The following ZNF423 variants were observed in gnomAD, a reference collection of about 807,000 sequenced individuals.
ZNF423 encodes the protein Ebf-associated zinc finger protein.
ZNF423 carries 12 observed loss-of-function variants against 95.8 expected under a neutral mutation model. The observed-to-expected ratio is 0.13, with a 90% CI of 0.08 to 0.20. The LOEUF is 0.20. ZNF423 is among the 10% of genes least tolerant of loss of function. The pLI, the probability that ZNF423 is intolerant of heterozygous loss-of-function variation, is 1.00. For missense variants in ZNF423, 1,316 were observed against 1,737.1 expected (o/e 0.76, Z 4.31); for synonymous variants, 749 against 711.9 (o/e 1.05, Z -0.83).
At chr16:49,616,333 CAGGG>C (rs1971874549) in intron 5 of ZNF423, among the ~76,000 whole-genome samples, 4 of 151,576 alleles carry the variant, frequency 2.6e-5, no homozygotes, top group African/African-American at 9.7e-5. Context: ...GGAAGGGTAG[CAGGG>C]AGGGAGGGGA....
chr16:49,595,073 C>T (rs1971139167), intron 5 of ZNF423, among the ~76,000 whole-genome samples: 1 of 152,166 alleles, frequency 6.6e-6, no homozygotes, highest in African/African-American at 2.4e-5. Context: ...CCTGAACACC[C>T]GGGTGACCCC....
At chr16:49,816,705 G>T (rs1378444854) in intron 1 of ZNF423, among the ~76,000 whole-genome samples, 1 of 152,090 alleles carries the variant, frequency 6.6e-6, no homozygotes, top group Non-Finnish European at 1.5e-5. Context: ...GATTGCTTGA[G>T]CCTGGGAGGT....
chr16:49,679,274 C>A (rs575115769), intron 3 of ZNF423, among the ~76,000 whole-genome samples: 1 of 152,214 alleles, frequency 6.6e-6, no homozygotes, highest in Non-Finnish European at 1.5e-5. Context: ...CTGCGCCCTC[C>A]GTGGAGCTGG....
At chr16:49,548,660 G>A (rs1000312587) in intron 5 of ZNF423, among the ~76,000 whole-genome samples, 11 of 152,206 alleles carry the variant, frequency 7.2e-5, no homozygotes, top group African/African-American at 2.2e-4. Context: ...CAGAGAGAAG[G>A]GAGAGAAGGA....
intron 5 of ZNF423, among the ~76,000 whole-genome samples, chr16:49,554,246 C>G (rs1208870463): frequency 6.6e-6 from 1 of 152,138 alleles, no homozygotes; most frequent in Non-Finnish European, 1.5e-5. Context: ...CCTCCCTTCC[C>G]CAATCCTAGA....
At chr16:49,707,170 G>A (rs898901004) in intron 3 of ZNF423, among the ~76,000 whole-genome samples, 1 of 152,060 alleles carries the variant, frequency 6.6e-6, no homozygotes, top group African/African-American at 2.4e-5. Flanking sequence ...GTCCCTGCCG[G>A]TACCCCGACG....
Position 49,514,918 on chromosome 16 carries a change from A to G in ZNF423, c.3849+8706T>C, listed in dbSNP as rs564250378. Among the ~76,000 whole-genome samples, 4 of 152,342 alleles carry G rather than the reference A, an allele frequency of 2.6e-5. No individual in the cohort carries two copies. In the South Asian group the frequency reaches 8.3e-4, roughly 32 times the overall value. ...ACATACACGCGCTGTGAACTCTGAC[A>G]TGCCCTGGCAGGCAGTGCCCCACAG... On this transcript the variant is annotated intron_variant, in intron 7 of 7. Transcript: ENST00000563137.
At chr16:49,857,847 T>TC (rs1441853735), upstream of ZNF423, 1 of 152,088 alleles carries the variant, frequency 6.6e-6, no homozygotes, top group Non-Finnish European at 1.5e-5. The surrounding 1 kb of genome is among the most constrained non-coding windows in gnomAD (Gnocchi z 6.2). Flanking sequence ...GCGCCGCGCG[T>TC]CCCCCGCAGC....
chr16:49,846,157 C>G (rs1365532525), intron 1 of ZNF423, among the ~76,000 whole-genome samples: 2 of 152,058 alleles, frequency 1.3e-5, no homozygotes, highest in East Asian at 3.9e-4. Flanking sequence ...CAAAAATTAG[C>G]CAGGCCTGGT....
intron 4 of ZNF423, among the ~76,000 whole-genome samples, chr16:49,627,142 C>T (rs1348902138): frequency 6.7e-6 from 1 of 150,120 alleles, no homozygotes; most frequent in Admixed American, 6.6e-5. Context: ...ACATACACAC[C>T]CACCTATCCA....
chr16:49,834,701 T>G (rs1164410906), intron 1 of ZNF423, among the ~76,000 whole-genome samples: 1 of 151,948 alleles, frequency 6.6e-6, no homozygotes, highest in Admixed American at 6.5e-5. Context: ...GGGGGCAGGG[T>G]GGCTGCCACT....
At chr16:49,714,652 G>A (rs1567306804) in intron 3 of ZNF423, among the ~76,000 whole-genome samples, 1 of 151,092 alleles carries the variant, frequency 6.6e-6, no homozygotes, top group Non-Finnish European at 1.5e-5. Flanking sequence ...GATGAGGCCG[G>A]GTGCAATGGC....
At chr16:49,832,302 C>T (rs895761639) in intron 1 of ZNF423, among the ~76,000 whole-genome samples, 5 of 152,202 alleles carry the variant, frequency 3.3e-5, no homozygotes, top group Admixed American at 6.5e-5. Flanking sequence ...GTCTGAAAAA[C>T]AGATTCTGAG....
intron 5 of ZNF423, among the ~76,000 whole-genome samples, chr16:49,563,668 T>A (rs1970089678): frequency 6.6e-6 from 1 of 152,310 alleles, no homozygotes; most frequent in South Asian, 2.1e-4. Context: ...GTCTTTGGCC[T>A]CTAGGCCTGT....
intron 3 of ZNF423, among the ~76,000 whole-genome samples, chr16:49,718,705 G>T (rs553360499): frequency 6.6e-5 from 10 of 152,238 alleles, no homozygotes; most frequent in Admixed American, 2.6e-4. Flanking sequence ...TGGTGAGGGC[G>T]CATTTCTCAT....
At chr16:49,706,367 C>T (rs1373777695) in intron 3 of ZNF423, among the ~76,000 whole-genome samples, 1 of 152,234 alleles carries the variant, frequency 6.6e-6, no homozygotes, top group Non-Finnish European at 1.5e-5. Flanking sequence ...CCAGCCATGG[C>T]CACAGCTGCC....
intron 1 of ZNF423, among the ~76,000 whole-genome samples, chr16:49,815,026 A>C (rs899540760): frequency 1.3e-5 from 2 of 152,180 alleles, no homozygotes; most frequent in Non-Finnish European, 2.9e-5. Flanking sequence ...CGGGGAGGGC[A>C]GCCTGCTGGT....
intron 3 of ZNF423, among the ~76,000 whole-genome samples, chr16:49,729,179 C>T (rs1469793287): frequency 1.3e-5 from 2 of 152,226 alleles, no homozygotes; most frequent in Non-Finnish European, 2.9e-5. Flanking sequence ...CTAACAACTA[C>T]ACAGAATGGC....
intron 5 of ZNF423, among the ~76,000 whole-genome samples, chr16:49,602,358 T>C (rs564028819): frequency 6.4e-4 from 98 of 152,322 alleles, no homozygotes; most frequent in African/African-American, 2.2e-3. Context: ...TCATCTTTTC[T>C]GCACTCGAAG....
Sources: gnomAD v4.1 joint callset for allele counts (sites outside exome capture counted in the v4.1 genomes callset) on GRCh38, gnomAD v4.1.1 for gene constraint, Gnocchi (gnomAD v3.1) non-coding constraint, MANE v1.5 for transcripts, NCBI Gene and HGNC (gene_info 2026-07-23, HGNC 2026-07-21) for gene names.